WNT3A: variants seen among roughly 807,000 people sequenced by gnomAD.
WNT3A encodes the protein Wnt family member 3A.
In WNT3A, 17 loss-of-function variants were observed where a neutral mutation model predicts 37.0. That is an observed-to-expected ratio of 0.46 (90% CI 0.31 to 0.69). The LOEUF is 0.69. Ranked by LOEUF, WNT3A falls within the 30% of genes least tolerant of loss-of-function variation. WNT3A has a pLI of 0.05. For missense variants in WNT3A, 411 were observed against 510.2 expected, an observed-to-expected ratio of 0.81 and a Z score of 1.87; for synonymous variants, 187 against 211.0, an observed-to-expected ratio of 0.89 and a Z score of 0.99.
chr1:228,048,195 C>T (rs1311826942), intron 2 of WNT3A, among the ~76,000 whole-genome samples: 4 of 152,216 alleles, frequency 2.6e-5, no homozygotes, highest in Non-Finnish European at 4.4e-5. Context: ...CTCAGGCCTC[C>T]TTCTATCCCC....
At chr1:228,035,874 C>T (rs953988836) in intron 2 of WNT3A, among the ~76,000 whole-genome samples, 3 of 152,198 alleles carry the variant, frequency 2.0e-5, no homozygotes, top group African/African-American at 4.8e-5. Flanking sequence ...CCCCCTTCTC[C>T]TCCCCTTTCT....
intron 3 of WNT3A, among the ~76,000 whole-genome samples, chr1:228,054,927 G>A (rs1030748605): frequency 1.7e-4 from 20 of 118,608 alleles, no homozygotes; most frequent in African/African-American, 5.9e-4. Context: ...AGGCCGAGGC[G>A]AGTTCGAGAC....
chr1:228,020,682 G>A (rs2030678432), intron 1 of WNT3A, among the ~76,000 whole-genome samples: 1 of 152,206 alleles, frequency 6.6e-6, no homozygotes, highest in South Asian at 2.1e-4. Context: ...GGACACCTGG[G>A]GCAGGATACC....
At chr1:228,041,013 A>ATATC (rs6143658) in intron 2 of WNT3A, among the ~76,000 whole-genome samples, 45,909 of 140,542 alleles carry the variant, frequency 0.33, 7,751 homozygotes, top group East Asian at 0.36. Flanking sequence ...CTACATATCT[A>ATATC]TATCTATCTA....
intron 1 of WNT3A, among the ~76,000 whole-genome samples, chr1:228,015,758 A>C (rs2030512900): frequency 8.3e-6 from 1 of 120,896 alleles, no homozygotes; most frequent in African/African-American, 3.2e-5. Context: ...TGTGTGAGTG[A>C]TCCTCAGCAA....
At chr1:228,035,960 C>T (rs565913661) in intron 2 of WNT3A, among the ~76,000 whole-genome samples, 18 of 152,334 alleles carry the variant, frequency 1.2e-4, no homozygotes, top group South Asian at 2.1e-4. Flanking sequence ...GGGGAAGTCC[C>T]GGCTCCTCCC....
intron 2 of WNT3A, among the ~76,000 whole-genome samples, chr1:228,036,761 G>C (rs561909451): frequency 6.6e-6 from 1 of 152,194 alleles, no homozygotes; most frequent in Non-Finnish European, 1.5e-5. Context: ...TTGACCCCTG[G>C]CAAGGTAAAG....
chr1:228,022,478 A>G (rs3094911), intron 1 of WNT3A, among the ~76,000 whole-genome samples, 189 bp from the exon 2 acceptor site: 96,821 of 152,152 alleles, frequency 0.64, 30,820 homozygotes, highest in Middle Eastern at 0.73. Context: ...GAGGCCACAG[A>G]GAATCCTTAA....
rs2031167344 is a variant in WNT3A at position 228,037,295 on chromosome 1, G to A, written c.314-13361G>A. On this transcript the variant is annotated intron_variant, in intron 2 of 3. Transcript: ENST00000284523. The surrounding 1 kb of genome is among the most constrained non-coding windows in gnomAD (Gnocchi z 4.1). ...CAGGGTATCCCCACTCAAAGCACAC[G>A]GCCAGATTCCTGGTTGGTGCCCCAG... is the stretch of plus-strand genomic sequence containing the variant. Among the ~76,000 whole-genome samples the A allele has an allele frequency of 1.3e-5, 2 of 151,904 alleles. No homozygotes were observed. Among genetic ancestry groups the A allele is most frequent in the Admixed American group, 6.6e-5 (1 of 15,266 alleles).
chr1:228,056,029 G>A (rs1401738978), intron 3 of WNT3A, among the ~76,000 whole-genome samples: 1 of 152,172 alleles, frequency 6.6e-6, no homozygotes, highest in African/African-American at 2.4e-5. Flanking sequence ...TTATCCTCCA[G>A]GCAAGAGGAT....
chr1:228,036,807 C>T (rs187918207), intron 2 of WNT3A, among the ~76,000 whole-genome samples: 80 of 152,318 alleles, frequency 5.3e-4, no homozygotes, highest in Admixed American at 1.6e-3. Flanking sequence ...AGGGCAGGGA[C>T]GGCTGCAGTG....
intron 1 of WNT3A, among the ~76,000 whole-genome samples, chr1:228,009,365 G>C (rs1571789070): frequency 6.6e-6 from 1 of 152,316 alleles, no homozygotes; most frequent in African/African-American, 2.4e-5. Flanking sequence ...CCTGCTGCTG[G>C]ACCCCTGCCG....
At chr1:228,011,281 A>G (rs946905348) in intron 1 of WNT3A, among the ~76,000 whole-genome samples, 1 of 152,144 alleles carries the variant, frequency 6.6e-6, no homozygotes, top group African/African-American at 2.4e-5. Context: ...GACATGGCCC[A>G]GGGTACCCAG....
chr1:228,041,045 C>CTATT lies in WNT3A; in HGVS notation c.314-9608_314-9607insTTAT, dbSNP rs1053329354. Among the ~76,000 whole-genome samples the CTATT allele has an allele frequency of 2.1e-5, 3 of 140,234 alleles. No individual in the cohort carries two copies. In the Admixed American group the frequency reaches 2.2e-4, roughly 10 times the overall value. The allele number at this position is 140,234 out of a possible 152,430, so 92.0% of individuals were successfully genotyped here. ...TCTATCTATCTATCTATCTATCTATCTATCATCTATCTATCATCTATCTAT... is the reference window on the plus strand; with the variant it reads ...TCTATCTATCTATCTATCTATCTATCTATTTATCATCTATCTATCATCTATCTAT... On this transcript the variant is annotated intron_variant, in intron 2 of 3. Transcript: ENST00000284523.
In WNT3A at chr1:228,059,908, G is replaced by T. The variant is rs919224677; in HGVS notation, c.*443G>T. 124 of 1,043,174 alleles carry T rather than the reference G, an allele frequency of 1.2e-4. No homozygotes were observed. The highest frequency in any genetic ancestry group is 1.4e-4 in the Non-Finnish European group (123 of 865,414). 64.6% of individuals were successfully genotyped at this position (1,043,174 alleles called of 1,614,324 possible). A position where few individuals can be genotyped will look rare whatever the true frequency, so the allele number is the denominator to read the frequency against. On this transcript the variant is annotated 3_prime_UTR_variant, in exon 4 of 4. Transcript: ENST00000284523. ...GGCGGGGCTCCTCCTGAAGGAGGCGGGGCTCTAGGATGGGGCACGGCTCTG... is the reference window on the plus strand; with the variant it reads ...GGCGGGGCTCCTCCTGAAGGAGGCGTGGCTCTAGGATGGGGCACGGCTCTG...
At chr1:228,020,525 G>A (rs566851800) in intron 1 of WNT3A, among the ~76,000 whole-genome samples, 1 of 152,342 alleles carries the variant, frequency 6.6e-6, no homozygotes, top group African/African-American at 2.4e-5. Flanking sequence ...TGGTCATCCA[G>A]TTGCCGGGAC....
chr1:228,048,207 T>G (rs1440122405), intron 2 of WNT3A, among the ~76,000 whole-genome samples: 1 of 152,132 alleles, frequency 6.6e-6, no homozygotes, highest in African/African-American at 2.4e-5. Flanking sequence ...TCTATCCCCA[T>G]AGAGAGGGCC....
At position 228,059,602 on chromosome 1, in the gene WNT3A, T is replaced by C; in HGVS notation, c.*137T>C. On this transcript the variant is annotated 3_prime_UTR_variant, in exon 4 of 4. Coordinates refer to ENST00000284523, the MANE Select transcript of WNT3A (RefSeq NM_033131.4). ...GACTCCTCCCTGGGGGTGGGGCTCC[T>C]ACCTGGGGGCAGAACTCCTACCTGA... 2 of 1,385,334 alleles carry C rather than the reference T, an allele frequency of 1.4e-6. No homozygotes were observed. Among genetic ancestry groups the C allele is most frequent in the South Asian group, 3.4e-5 (2 of 59,584 alleles). The allele number at this position is 1,385,334 out of a possible 1,614,324, so 85.8% of individuals were successfully genotyped here.
At chr1:228,014,468 T>G (rs1377745695) in intron 1 of WNT3A, among the ~76,000 whole-genome samples, 5 of 152,156 alleles carry the variant, frequency 3.3e-5, no homozygotes, top group African/African-American at 1.2e-4. Flanking sequence ...TAAATTTTAC[T>G]GCTAAAAGAC....
Sources: allele counts gnomAD v4.1 joint callset (sites outside exome capture counted in the v4.1 genomes callset), GRCh38; gene constraint gnomAD v4.1.1; non-coding constraint Gnocchi (gnomAD v3.1); transcripts MANE v1.5; gene names NCBI Gene and HGNC (gene_info 2026-07-23, HGNC 2026-07-21).